Variants in FCHO2 observed in about 807,000 individuals in gnomAD.
The protein encoded by FCHO2 is FCH and mu domain containing endocytic adaptor 2.
A neutral mutation model predicts 114.1 loss-of-function variants in FCHO2; 43 were observed. The observed-to-expected ratio is 0.38, with a 90% CI of 0.30 to 0.49. The LOEUF (loss-of-function observed/expected upper bound fraction) is 0.49, where lower values mean the gene tolerates loss of function less well. Ranked by LOEUF, FCHO2 falls within the 20% of genes least tolerant of loss-of-function variation. FCHO2 has a pLI of 0.97. For missense variants in FCHO2, 807 were observed against 950.4 expected (o/e 0.85, Z 1.98); for synonymous variants, 293 against 315.2 (o/e 0.93, Z 0.75).
chr5:73,046,139 A>G (rs1757042988), intron 11 of FCHO2, among the ~76,000 whole-genome samples: 1 of 152,198 alleles, frequency 6.6e-6, no homozygotes, highest in African/African-American at 2.4e-5. Flanking sequence ...ATCCTAGCTT[A>G]CCACAGCCTT....
At chr5:73,008,709 T>A (rs1754845091) in intron 6 of FCHO2, among the ~76,000 whole-genome samples, 1 of 152,136 alleles carries the variant, frequency 6.6e-6, no homozygotes, top group Non-Finnish European at 1.5e-5. Context: ...CTGTGATTTA[T>A]TTGACAACAA....
In FCHO2 at chr5:73,059,749, G is replaced by A. The variant is rs1757765574; in HGVS notation, c.1345+1225G>A. ...GTCAATAGATAGTTGAACATAATCT[G>A]AAGTGGCTTTATAGCCTTTCTCATT... On this transcript the variant is annotated intron_variant, in intron 17 of 25. Transcript: ENST00000430046. Among the ~76,000 whole-genome samples, 3 of 151,948 alleles carry A rather than the reference G, an allele frequency of 2.0e-5. No homozygotes were observed. The South Asian group carries it at 6.2e-4, about 31-fold the overall frequency.
chr5:73,020,106 A>G (rs1402987864), intron 8 of FCHO2, among the ~76,000 whole-genome samples: 1 of 152,164 alleles, frequency 6.6e-6, no homozygotes, highest in East Asian at 1.9e-4. Flanking sequence ...CCCATTTAAT[A>G]ATGAAGGTAA....
At chr5:73,051,726 TG>T (rs1285167312) in intron 12 of FCHO2, among the ~76,000 whole-genome samples, 1 of 151,666 alleles carries the variant, frequency 6.6e-6, no homozygotes, top group Non-Finnish European at 1.5e-5. Flanking sequence ...GCACCATGCC[TG>T]GCTAATTTTT....
chr5:72,975,756 C>T (rs959853800), intron 2 of FCHO2, among the ~76,000 whole-genome samples: 3 of 152,136 alleles, frequency 2.0e-5, no homozygotes, highest in African/African-American at 4.8e-5. Context: ...CCACCCATCT[C>T]GGCCTCCCAG....
intron 5 of FCHO2, among the ~76,000 whole-genome samples, chr5:72,993,678 G>A (rs1191409065): frequency 2.0e-5 from 3 of 152,120 alleles, no homozygotes; most frequent in African/African-American, 2.4e-5. Context: ...TACAAACTTC[G>A]TTGCATGATT....
At chr5:73,040,552 A>C (rs1756754825) in intron 10 of FCHO2, among the ~76,000 whole-genome samples, 1 of 152,188 alleles carries the variant, frequency 6.6e-6, no homozygotes, top group Non-Finnish European at 1.5e-5. Flanking sequence ...TTAGTTGTAC[A>C]TATTTAGGTC....
chr5:72,979,378 CTTTTTTTTT>C (rs60234739), intron 2 of FCHO2, among the ~76,000 whole-genome samples: 28 of 49,790 alleles, frequency 5.6e-4, no homozygotes, highest in South Asian at 1.1e-3. Flanking sequence ...TTATCAATTT[CTTTTTTTTT>C]TTTTTTTTTT....
At chr5:73,008,599 G>A (rs1754838927) in intron 6 of FCHO2, among the ~76,000 whole-genome samples, 1 of 152,132 alleles carries the variant, frequency 6.6e-6, no homozygotes, top group Non-Finnish European at 1.5e-5. Context: ...CAGGAGGGCA[G>A]TTTTGGAGGA....
chr5:72,976,067 C>T (rs906748195), intron 2 of FCHO2, among the ~76,000 whole-genome samples: 1 of 152,142 alleles, frequency 6.6e-6, no homozygotes, highest in Non-Finnish European at 1.5e-5. Context: ...TCCAAAGTGA[C>T]AATACCATTT....
At chr5:72,984,690 G>T (rs906757162) in intron 2 of FCHO2, among the ~76,000 whole-genome samples, 3 of 152,096 alleles carry the variant, frequency 2.0e-5, no homozygotes, top group Non-Finnish European at 4.4e-5. Context: ...TTGAGACAGG[G>T]TCTCACTGTC....
intron 18 of FCHO2, among the ~76,000 whole-genome samples, chr5:73,064,234 A>G (rs995024815): frequency 6.6e-6 from 1 of 152,120 alleles, no homozygotes; most frequent in Non-Finnish European, 1.5e-5. Flanking sequence ...CGGTTTTCAT[A>G]TAATTCTACT....
intron 15 of FCHO2, chr5:73,055,166 G>T: frequency 3.8e-6 from 1 of 263,678 alleles, no homozygotes; most frequent in Admixed American, 4.1e-5. Context: ...TAAAAGTAAG[G>T]ATTTTATCTT....
chr5:73,085,294 A>C (rs1743259722), intron 24 of FCHO2, among the ~76,000 whole-genome samples: 1 of 151,980 alleles, frequency 6.6e-6, no homozygotes, highest in Non-Finnish European at 1.5e-5. Context: ...GGTTGCAGTG[A>C]GCCAACATCG....
At chr5:73,028,166 C>T (rs2112778654) in intron 8 of FCHO2, among the ~76,000 whole-genome samples, 1 of 152,226 alleles carries the variant, frequency 6.6e-6, no homozygotes, top group Admixed American at 6.5e-5. Flanking sequence ...CACAGCACTC[C>T]AGCCTGGGTG....
Position 72,970,921 on chromosome 5 carries a change from A to G in FCHO2, c.125+2332A>G, listed in dbSNP as rs370501206. On this transcript the variant is annotated intron_variant, in intron 2 of 25. Transcript: ENST00000430046. Reference sequence around the variant, plus strand: ...TGTGTCCATGTGTTCTCATTGTTCAATTCCCACCTATGAGTGAGAATATGC... The same window carrying G: ...TGTGTCCATGTGTTCTCATTGTTCAGTTCCCACCTATGAGTGAGAATATGC... Among the ~76,000 whole-genome samples, 546 of 152,078 alleles carry G rather than the reference A, an allele frequency of 3.6e-3. 4 individuals are homozygous for G. The highest frequency in any genetic ancestry group is 0.013 in the African/African-American group (520 of 41,482).
intron 8 of FCHO2, chr5:73,020,946 G>A (rs779917768): frequency 1.3e-6 from 2 of 1,592,162 alleles, no homozygotes; most frequent in Non-Finnish European, 8.6e-7. Flanking sequence ...ACTGCAGTTT[G>A]TTGCTTCGGC....
chr5:73,087,143 A>AAG (rs1281267170), intron 24 of FCHO2, among the ~76,000 whole-genome samples: 1 of 152,224 alleles, frequency 6.6e-6, no homozygotes, highest in African/African-American at 2.4e-5. Context: ...AAACTTTAAA[A>AAG]AGAAAAGTGA....
intron 1 of FCHO2, among the ~76,000 whole-genome samples, chr5:72,959,768 T>TC (rs1751749683): frequency 1.3e-5 from 2 of 151,968 alleles, no homozygotes; most frequent in Admixed American, 6.6e-5. Flanking sequence ...CTTCTCTCTC[T>TC]TCTCTTCTTT....
Sources: gnomAD v4.1 joint callset for allele counts (sites outside exome capture counted in the v4.1 genomes callset) on GRCh38, gnomAD v4.1.1 for gene constraint, MANE v1.5 for transcripts, NCBI Gene and HGNC (gene_info 2026-07-23, HGNC 2026-07-21) for gene names.